The following TFCP2 variants were observed in gnomAD, a reference collection of about 807,000 sequenced individuals.
TFCP2 encodes transcription factor CP2.
TFCP2 carries 33 observed loss-of-function variants against 73.4 expected under a neutral mutation model. The observed-to-expected ratio is 0.45, with a 90% CI of 0.34 to 0.60. The LOEUF (loss-of-function observed/expected upper bound fraction) is 0.60. Ranked by LOEUF, TFCP2 falls within the 20% of genes least tolerant of loss-of-function variation. The pLI is 0.01. For synonymous variants in TFCP2, 193 were observed against 211.6 expected, an observed-to-expected ratio of 0.91 and a Z score of 0.76; for missense variants, 352 against 604.0, an observed-to-expected ratio of 0.58 and a Z score of 4.37.
intron 1 of TFCP2, among the ~76,000 whole-genome samples, chr12:51,131,919 A>C (rs1333075840): frequency 6.6e-6 from 1 of 152,212 alleles, no homozygotes; most frequent in Non-Finnish European, 1.5e-5. Context: ...CTACTTATTT[A>C]AACACAAAGT....
Position 51,172,556 on chromosome 12 carries a change from C to A in TFCP2, c.-134G>T. On this transcript the variant is annotated 5_prime_UTR_variant, in exon 1 of 15. Transcript: ENST00000257915. ...CCCACGCAGTGCCCACCAGCCACCC[C>A]CAAGCCCGACCAGCACTGCTCTGTG... 1.0e-5 allele frequency: 12 copies of A among 1,158,724 alleles called. No individual in the cohort carries two copies. The highest frequency in any genetic ancestry group is 1.3e-5 in the Non-Finnish European group (11 of 817,228). The allele number at this position is 1,158,724 out of a possible 1,614,324, so 71.8% of individuals were successfully genotyped here.
chr12:51,142,113 G>A (rs1730543275), intron 1 of TFCP2, among the ~76,000 whole-genome samples: 1 of 130,066 alleles, frequency 7.7e-6, no homozygotes, highest in African/African-American at 2.9e-5. Context: ...TGAAGCAGAA[G>A]AACTGCTTGA....
At position 51,118,602 on chromosome 12, in the gene TFCP2, G is replaced by A; in HGVS notation, c.274+19C>T. 1 of 1,611,950 alleles carries A rather than the reference G, an allele frequency of 6.2e-7. No homozygotes were observed. The highest frequency in any genetic ancestry group is 8.5e-7 in the Non-Finnish European group (1 of 1,178,828). On this transcript the variant is annotated intron_variant, in intron 2 of 14. Transcript: ENST00000257915. Reference sequence around the variant, plus strand: ...ACAGTAGGTCTGCAATAGTACTAATGAATGAGGAAGCATCTAACCTTGATT... The same window carrying A: ...ACAGTAGGTCTGCAATAGTACTAATAAATGAGGAAGCATCTAACCTTGATT...
chr12:51,138,361 T>C (rs1412579549), intron 1 of TFCP2, among the ~76,000 whole-genome samples: 1 of 152,110 alleles, frequency 6.6e-6, no homozygotes, highest in Non-Finnish European at 1.5e-5. Context: ...TTCACCACAT[T>C]GGCCAAGCTG....
At chr12:51,107,388 T>C in intron 6 of TFCP2, 42 bp from the exon 7 acceptor site, 1 of 1,529,114 alleles carries the variant, frequency 6.5e-7, no homozygotes, top group Non-Finnish European at 9.0e-7. Flanking sequence ...GGTACTCACC[T>C]TTTAACCCAA....
intron 1 of TFCP2, among the ~76,000 whole-genome samples, chr12:51,153,744 C>G (rs1225206324): frequency 6.6e-6 from 1 of 152,172 alleles, no homozygotes; most frequent in African/African-American, 2.4e-5. Flanking sequence ...CCTTTTCAAG[C>G]CTGAATAATA....
At chr12:51,155,558 G>C (rs2137035019) in intron 1 of TFCP2, among the ~76,000 whole-genome samples, 1 of 152,276 alleles carries the variant, frequency 6.6e-6, no homozygotes, top group South Asian at 2.1e-4. Flanking sequence ...ATTTTCTGCT[G>C]TTCTTGATAG....
intron 11 of TFCP2, among the ~76,000 whole-genome samples, chr12:51,101,014 C>T (rs1279362632): frequency 1.3e-5 from 2 of 152,122 alleles, no homozygotes; most frequent in East Asian, 1.9e-4. Flanking sequence ...ACACTTCCTA[C>T]CCACATTTGC....
intron 1 of TFCP2, chr12:51,124,717 T>C (rs1247453010): frequency 5.8e-6 from 4 of 687,246 alleles, no homozygotes; most frequent in Non-Finnish European, 1.1e-5. Flanking sequence ...ATCAGCTCGG[T>C]TGCCTTGGAG....
At chr12:51,124,716 G>T in intron 1 of TFCP2, 1 of 686,672 alleles carries the variant, frequency 1.5e-6, no homozygotes. Context: ...AATCAGCTCG[G>T]TTGCCTTGGA....
intron 1 of TFCP2, among the ~76,000 whole-genome samples, chr12:51,144,891 G>A (rs370615575): frequency 1.7e-4 from 26 of 152,154 alleles, no homozygotes; most frequent in Admixed American, 6.6e-4. Context: ...GCAAAATGCC[G>A]TCTGTACTAA....
chr12:51,154,143 T>C (rs1941489113), intron 1 of TFCP2, among the ~76,000 whole-genome samples: 2 of 152,238 alleles, frequency 1.3e-5, no homozygotes, highest in African/African-American at 4.8e-5. Flanking sequence ...CAATGGGCTA[T>C]ACCTATGAAC....
chr12:51,095,146 T>C lies in TFCP2; in HGVS notation c.*95A>G, dbSNP rs917996885. ...CACACAGTCAGACGAGTCAGGTTCT[T>C]GCAGACCTTCAAATCTCCATTCATA... is the stretch of plus-strand genomic sequence containing the variant. On this transcript the variant is annotated 3_prime_UTR_variant, in exon 15 of 15. Coordinates refer to ENST00000257915, the MANE Select transcript of TFCP2 (RefSeq NM_005653.5). The C allele has an allele frequency of 7.2e-7, 1 of 1,380,738 alleles. No homozygotes were observed. The highest frequency in any genetic ancestry group is 1.4e-5 in the African/African-American group (1 of 70,394). 85.5% of individuals were successfully genotyped at this position (1,380,738 alleles called of 1,614,324 possible). A position where few individuals can be genotyped will look rare whatever the true frequency, so the allele number is the denominator to read the frequency against.
chr12:51,106,041 T>C (rs1169362790), intron 8 of TFCP2, among the ~76,000 whole-genome samples: 1 of 152,204 alleles, frequency 6.6e-6, no homozygotes, highest in Non-Finnish European at 1.5e-5. Flanking sequence ...ATTTTAGCCA[T>C]CATCTTCAAA....
chr12:51,106,337 A>T (rs1249729002), intron 8 of TFCP2, among the ~76,000 whole-genome samples, 188 bp downstream of exon 8: 2 of 152,324 alleles, frequency 1.3e-5, no homozygotes, highest in Non-Finnish European at 2.9e-5. Flanking sequence ...CACAAAGAGA[A>T]GAAAGGGCTA....
At chr12:51,105,141 TG>T (rs1940199761) in intron 8 of TFCP2, among the ~76,000 whole-genome samples, 1 of 146,944 alleles carries the variant, frequency 6.8e-6, no homozygotes, top group South Asian at 2.3e-4. Flanking sequence ...TTGCCCAGGC[TG>T]GAGCGCAGTG....
chr12:51,118,536 C>G, intron 2 of TFCP2, 85 bp downstream of exon 2: 1 of 1,508,250 alleles, frequency 6.6e-7, no homozygotes, highest in Non-Finnish European at 9.0e-7. Context: ...GCCTGGGTGA[C>G]GCCGTCTCAA....
intron 1 of TFCP2, among the ~76,000 whole-genome samples, chr12:51,147,133 G>A (rs980643252): frequency 2.6e-5 from 4 of 152,066 alleles, no homozygotes; most frequent in Admixed American, 6.6e-5. Context: ...ACCTGAGGTC[G>A]GAAGTGCGAG....
chr12:51,110,635 A>C (rs1199798301), intron 5 of TFCP2, among the ~76,000 whole-genome samples: 1 of 152,210 alleles, frequency 6.6e-6, no homozygotes, highest in East Asian at 1.9e-4. Flanking sequence ...ACAACCAAGA[A>C]ATGAAATATT....
Sources: allele counts gnomAD v4.1 joint callset (sites outside exome capture counted in the v4.1 genomes callset), GRCh38; gene constraint gnomAD v4.1.1; transcripts MANE v1.5; gene names NCBI Gene and HGNC (gene_info 2026-07-23, HGNC 2026-07-21).